NTM: variants seen among roughly 807,000 people sequenced by gnomAD.
NTM encodes neurotrimin.
A neutral mutation model predicts 42.1 loss-of-function variants in NTM; 13 were observed. The ratio of observed to expected loss-of-function variants is 0.31; its 90% confidence interval spans 0.20 to 0.49. NTM has a LOEUF of 0.49. Among genes scored for constraint, NTM ranks in the 20% least tolerant of loss-of-function variants. NTM has a pLI of 0.99. For synonymous variants in NTM, 187 were observed against 179.2 expected (o/e 1.04, Z -0.35); for missense variants, 373 against 452.8 (o/e 0.82, Z 1.60).
chr11:131,550,816 A>C (rs1437090014), intron 1 of NTM, among the ~76,000 whole-genome samples: 1 of 152,088 alleles, frequency 6.6e-6, no homozygotes, highest in South Asian at 2.1e-4. Context: ...AGCCTGGGCA[A>C]TAGAGCAATA....
chr11:132,248,810 GC>G (rs758044919), intron 4 of NTM, among the ~76,000 whole-genome samples: 6 of 152,270 alleles, frequency 3.9e-5, no homozygotes, highest in Non-Finnish European at 7.3e-5. Flanking sequence ...TGCTATGCAG[GC>G]TTTTGCTCAG....
At chr11:131,389,019 A>AAAAAAAAAAG (rs1752375476) in intron 1 of NTM, among the ~76,000 whole-genome samples, 2 of 11,700 alleles carry the variant, frequency 1.7e-4, no homozygotes, top group Non-Finnish European at 4.7e-4. Flanking sequence ...TCACAAAAAA[A>AAAAAAAAAAG]AAAAAAAAAG....
chr11:132,270,593 G>A (rs1369738948), intron 4 of NTM, among the ~76,000 whole-genome samples: 1 of 151,818 alleles, frequency 6.6e-6, no homozygotes, highest in Admixed American at 6.6e-5. Context: ...TTTAGTTTAA[G>A]GTTATTATGA....
intron 1 of NTM, among the ~76,000 whole-genome samples, chr11:131,483,130 A>G (rs1953791105): frequency 6.6e-6 from 1 of 152,232 alleles, no homozygotes; most frequent in Non-Finnish European, 1.5e-5. Flanking sequence ...CTGGGATGAC[A>G]TGAGTTTCCA....
intron 1 of NTM, among the ~76,000 whole-genome samples, chr11:131,561,738 C>T (rs919155259): frequency 6.6e-6 from 1 of 152,186 alleles, no homozygotes; most frequent in Non-Finnish European, 1.5e-5. Flanking sequence ...CTGCATTGCC[C>T]CACACTTTCC....
intron 2 of NTM, among the ~76,000 whole-genome samples, chr11:131,966,782 T>C (rs539490547): frequency 1.5e-4 from 23 of 152,022 alleles, no homozygotes; most frequent in African/African-American, 5.5e-4. Flanking sequence ...TTGAGCAGGG[T>C]AGGGGTAGAA....
At chr11:131,952,883 T>C (rs751347970) in intron 2 of NTM, among the ~76,000 whole-genome samples, 1 of 152,202 alleles carries the variant, frequency 6.6e-6, no homozygotes. Flanking sequence ...TCTATCATGA[T>C]AGGCCTTGAT....
intron 1 of NTM, among the ~76,000 whole-genome samples, chr11:131,902,640 A>C (rs534809089): frequency 1.3e-5 from 2 of 152,340 alleles, no homozygotes; most frequent in South Asian, 4.1e-4. Flanking sequence ...GATCTGATGA[A>C]ACTGGTATGG....
chr11:131,907,069 T>G, intron 1 of NTM, among the ~76,000 whole-genome samples: 1 of 152,330 alleles, frequency 6.6e-6, no homozygotes, highest in African/African-American at 2.4e-5. Flanking sequence ...CACTCTCTAA[T>G]GGCCCTGCAT....
At chr11:132,092,640 C>T (rs1490367086) in intron 2 of NTM, among the ~76,000 whole-genome samples, 1 of 152,186 alleles carries the variant, frequency 6.6e-6, no homozygotes, top group Non-Finnish European at 1.5e-5. Context: ...TGATGACTCC[C>T]TCATCGATGG....
At chr11:132,090,986 A>G (rs973301992) in intron 2 of NTM, among the ~76,000 whole-genome samples, 1 of 152,120 alleles carries the variant, frequency 6.6e-6, no homozygotes, top group Non-Finnish European at 1.5e-5. Flanking sequence ...TATAGCGGCT[A>G]TTTCCAATTT....
At chr11:131,447,144 C>G (rs1950121503) in intron 1 of NTM, among the ~76,000 whole-genome samples, 2 of 152,290 alleles carry the variant, frequency 1.3e-5, no homozygotes, top group Middle Eastern at 3.4e-3. Context: ...TGAATATTCT[C>G]CTTTAGAGCA....
intron 2 of NTM, among the ~76,000 whole-genome samples, chr11:132,100,115 A>G (rs1353818085): frequency 6.6e-6 from 1 of 152,244 alleles, no homozygotes; most frequent in East Asian, 1.9e-4. Flanking sequence ...ACACTATGAG[A>G]GACCTTTTTA....
intron 1 of NTM, among the ~76,000 whole-genome samples, chr11:131,742,434 T>G (rs1168183793): frequency 6.6e-6 from 1 of 152,012 alleles, no homozygotes; most frequent in East Asian, 1.9e-4. Context: ...AAAAATGACT[T>G]TTTTTTTCTT....
chr11:131,718,062 A>G (rs1489246987), intron 1 of NTM, among the ~76,000 whole-genome samples: 1 of 152,208 alleles, frequency 6.6e-6, no homozygotes, highest in Non-Finnish European at 1.5e-5. Context: ...GATAGATTAC[A>G]TGGCCCTGAT....
chr11:131,890,075 G>A (rs1184869239), intron 1 of NTM, among the ~76,000 whole-genome samples: 1 of 151,808 alleles, frequency 6.6e-6, no homozygotes, highest in East Asian at 1.9e-4. Flanking sequence ...TGCTCCAAAG[G>A]AAGGCACCTG....
At chr11:132,303,681 TTAGA>T (rs1490864166) in intron 4 of NTM, among the ~76,000 whole-genome samples, 7 of 148,702 alleles carry the variant, frequency 4.7e-5, no homozygotes, top group African/African-American at 1.5e-4. Flanking sequence ...TGGTATTTGC[TTAGA>T]TAGATAGGGC....
chr11:132,226,717 T>C (rs1395549766), intron 4 of NTM, among the ~76,000 whole-genome samples: 1 of 152,184 alleles, frequency 6.6e-6, no homozygotes, highest in Non-Finnish European at 1.5e-5. Flanking sequence ...ATTTCGTCCA[T>C]CAAGAATTGA....
chr11:132,212,771 C>G (rs946573573), intron 4 of NTM, among the ~76,000 whole-genome samples: 1 of 152,114 alleles, frequency 6.6e-6, no homozygotes, highest in East Asian at 1.9e-4. Flanking sequence ...GAATTTGAGA[C>G]AAGATGTCAT....
Sources: allele counts gnomAD v4.1 joint callset (sites outside exome capture counted in the v4.1 genomes callset), GRCh38; gene constraint gnomAD v4.1.1; transcripts MANE v1.5; gene names NCBI Gene and HGNC (gene_info 2026-07-23, HGNC 2026-07-21).